The following ARMH3 variants were observed in gnomAD, a reference collection of about 807,000 sequenced individuals.
ARMH3 encodes armadillo like helical domain containing 3.
Under a neutral mutation model 99.1 loss-of-function variants are expected in ARMH3, and 60 were observed. The observed-to-expected ratio is 0.61, with a 90% CI of 0.49 to 0.75. The LOEUF (loss-of-function observed/expected upper bound fraction) is 0.75. Ranked by LOEUF, ARMH3 falls within the 30% of genes least tolerant of loss-of-function variation. The pLI is 0.00. For missense variants in ARMH3, 679 were observed against 843.1 expected (o/e 0.81, Z 2.41); for synonymous variants, 285 against 292.8 (o/e 0.97, Z 0.27).
At chr10:101,921,533 T>C (rs1843305134) in intron 23 of ARMH3, among the ~76,000 whole-genome samples, 1 of 152,194 alleles carries the variant, frequency 6.6e-6, no homozygotes, top group Non-Finnish European at 1.5e-5. Flanking sequence ...ACCTGCACTC[T>C]TATGTTTACT....
At chr10:101,892,047 G>T (rs1357218761) in intron 23 of ARMH3, among the ~76,000 whole-genome samples, 1 of 152,038 alleles carries the variant, frequency 6.6e-6, no homozygotes, top group Non-Finnish European at 1.5e-5. Context: ...GGGAGACAGA[G>T]GTTTCAGTGA....
At chr10:101,980,033 G>A (rs1230564078) in intron 19 of ARMH3, among the ~76,000 whole-genome samples, 1 of 151,968 alleles carries the variant, frequency 6.6e-6, no homozygotes, top group African/African-American at 2.4e-5. Context: ...TTTAGTTAAG[G>A]GAGGGTTTGG....
chr10:101,867,053 A>G (rs2067020059), intron 24 of ARMH3, among the ~76,000 whole-genome samples: 1 of 152,204 alleles, frequency 6.6e-6, no homozygotes, highest in Admixed American at 6.5e-5. Context: ...AGGAACAGTA[A>G]CCCTGCTTTG....
At chr10:101,893,943 A>T (rs937921921) in intron 23 of ARMH3, among the ~76,000 whole-genome samples, 1 of 152,072 alleles carries the variant, frequency 6.6e-6, no homozygotes, top group Non-Finnish European at 1.5e-5. Context: ...CCACTCTGGG[A>T]ATATATATTT....
intron 8 of ARMH3, among the ~76,000 whole-genome samples, chr10:102,021,800 C>A (rs1421211630): frequency 6.6e-6 from 1 of 152,166 alleles, no homozygotes; most frequent in Non-Finnish European, 1.5e-5. Flanking sequence ...CCCGCCTCAG[C>A]CTCCCAAAGT....
chr10:102,050,813 C>T (rs1489554062), intron 1 of ARMH3, among the ~76,000 whole-genome samples: 1 of 149,652 alleles, frequency 6.7e-6, no homozygotes, highest in Non-Finnish European at 1.5e-5. Flanking sequence ...GCTGAGATCA[C>T]GCCACTGCAC....
In ARMH3 at chr10:101,922,385, AC is replaced by A. The variant is rs1224478567; in HGVS notation, c.1781+17477del. ...AGCCTCCAGAGTAGCTGGGACTATTACAGGTGCATACCACTATACCCAGCTA... is the reference window on the plus strand; with the variant it reads ...AGCCTCCAGAGTAGCTGGGACTATTAAGGTGCATACCACTATACCCAGCTA... On this transcript the variant is annotated intron_variant, in intron 23 of 25. Coordinates refer to ENST00000370033, the MANE Select transcript of ARMH3 (RefSeq NM_024541.3). Among the ~76,000 whole-genome samples the A allele has an allele frequency of 2.0e-5, 3 of 152,214 alleles. No individual in the cohort carries two copies. The East Asian group carries it at 5.8e-4, about 29-fold the overall frequency.
At chr10:102,028,165 A>G (rs2067041549) in intron 5 of ARMH3, among the ~76,000 whole-genome samples, 1 of 152,212 alleles carries the variant, frequency 6.6e-6, no homozygotes, top group South Asian at 2.1e-4. Context: ...CCCTATGGAA[A>G]AATGGTTTGG....
chr10:101,960,190 GAACT>G (rs1845223051), intron 20 of ARMH3, among the ~76,000 whole-genome samples: 1 of 151,318 alleles, frequency 6.6e-6, no homozygotes, highest in African/African-American at 2.4e-5. Flanking sequence ...AAAAAAAAAA[GAACT>G]ATCTACAGGG....
intron 23 of ARMH3, among the ~76,000 whole-genome samples, chr10:101,932,296 AGTGTTGG>A (rs1346771271): frequency 1.3e-5 from 2 of 152,246 alleles, no homozygotes; most frequent in Non-Finnish European, 2.9e-5. Context: ...ACAGAAAACA[AGTGTTGG>A]GAAGAATGTG....
chr10:101,969,632 T>C (rs1181707917), intron 20 of ARMH3, among the ~76,000 whole-genome samples: 1 of 152,226 alleles, frequency 6.6e-6, no homozygotes, highest in East Asian at 1.9e-4. Flanking sequence ...TCCCAGTAGA[T>C]ATCTAAAAGG....
At chr10:102,028,282 G>T (rs934781184) in intron 5 of ARMH3, among the ~76,000 whole-genome samples, 8 of 152,050 alleles carry the variant, frequency 5.3e-5, no homozygotes, top group African/African-American at 1.9e-4. Flanking sequence ...AGTGCAGTGG[G>T]TCATGCTTAT....
intron 23 of ARMH3, 25 bp from the exon 24 acceptor site, chr10:101,889,515 A>G (rs773516845): frequency 6.3e-7 from 1 of 1,575,542 alleles, no homozygotes; most frequent in East Asian, 2.2e-5. Flanking sequence ...TCGTATTAAT[A>G]TGGTGCCAGA....
At chr10:101,934,155 T>C (rs541058617) in intron 23 of ARMH3, among the ~76,000 whole-genome samples, 9 of 152,306 alleles carry the variant, frequency 5.9e-5, no homozygotes, top group Admixed American at 3.9e-4. Context: ...ATAACCCCAT[T>C]ATCTCAGAGG....
At chr10:101,865,027 T>C (rs779288714) in intron 24 of ARMH3, among the ~76,000 whole-genome samples, 1 of 151,766 alleles carries the variant, frequency 6.6e-6, no homozygotes, top group Non-Finnish European at 1.5e-5. Flanking sequence ...CCATCATGGC[T>C]AACATGGTGA....
intron 2 of ARMH3, among the ~76,000 whole-genome samples, chr10:102,034,419 G>A (rs999460521): frequency 3.3e-5 from 5 of 151,306 alleles, no homozygotes; most frequent in African/African-American, 7.3e-5. Flanking sequence ...GGCAGATCAC[G>A]AGGTCAGGAG....
chr10:101,973,769 A>G (rs906550636), intron 20 of ARMH3, among the ~76,000 whole-genome samples: 3 of 152,228 alleles, frequency 2.0e-5, no homozygotes, highest in Non-Finnish European at 4.4e-5. Flanking sequence ...CAGAAGATGC[A>G]GGCGGAAACA....
At chr10:101,983,100 G>A (rs991896154) in intron 19 of ARMH3, among the ~76,000 whole-genome samples, 3 of 152,108 alleles carry the variant, frequency 2.0e-5, no homozygotes, top group African/African-American at 7.2e-5. Flanking sequence ...CCAAAGTGAT[G>A]TCTGTTTGTA....
chr10:101,954,268 G>A (rs61873606), intron 22 of ARMH3, among the ~76,000 whole-genome samples: 7,515 of 152,210 alleles, frequency 0.049, 205 homozygotes, highest in Middle Eastern at 0.095. Flanking sequence ...ATTTATCATC[G>A]CTAAAAACTG....
Sources: gnomAD v4.1 joint callset for allele counts (sites outside exome capture counted in the v4.1 genomes callset) on GRCh38, gnomAD v4.1.1 for gene constraint, MANE v1.5 for transcripts, NCBI Gene and HGNC (gene_info 2026-07-23, HGNC 2026-07-21) for gene names.